The following DHRSX variants were observed in gnomAD, a reference collection of about 807,000 sequenced individuals.
The protein encoded by DHRSX is polyprenol dehydrogenase.
Under a neutral mutation model 34.0 loss-of-function variants are expected in DHRSX, and 31 were observed. The observed-to-expected ratio is 0.91, with a 90% CI of 0.69 to 1.23. The LOEUF is 1.23. Ranked by LOEUF, DHRSX falls within the 50% of genes most tolerant of loss-of-function variation. DHRSX has a pLI of 0.00. For missense variants in DHRSX, 414 were observed against 428.1 expected (o/e 0.97, Z 0.29); for synonymous variants, 201 against 183.8 (o/e 1.09, Z -0.76).
chrX:2,391,368 G>A (rs1334383463), intron 3 of DHRSX, among the ~76,000 whole-genome samples: 1 of 152,144 alleles, frequency 6.6e-6, no homozygotes, highest in Non-Finnish European at 1.5e-5. Flanking sequence ...CCTGCCCTCA[G>A]GCAAAAGGGA....
chrX:2,408,771 A>AT lies in DHRSX; in HGVS notation c.259dup (p.Ile87AsnfsTer16). 1 of 1,612,130 alleles carries AT rather than the reference A, an allele frequency of 6.2e-7. No homozygotes were observed. Among genetic ancestry groups the AT allele is most frequent in the Non-Finnish European group, 8.5e-7 (1 of 1,179,390 alleles). ...TTTGTCGTTCAAGGTTTCTTCTTTT[A>AT]TTTTGCTTACAACTTGTTTGGCTTT... is the stretch of plus-strand genomic sequence containing the variant. On this transcript the variant is annotated frameshift_variant, in exon 3 of 7. Transcript: ENST00000334651. LOFTEE classifies it high-confidence loss of function.
intron 5 of DHRSX, among the ~76,000 whole-genome samples, chrX:2,253,250 C>G (rs113569578): frequency 1.7e-3 from 258 of 147,996 alleles, no homozygotes; most frequent in African/African-American, 6.1e-3. Flanking sequence ...CCACGGCACT[C>G]CAGCCTAGGA....
chrX:2,276,456 G>A (rs920353375), intron 4 of DHRSX, among the ~76,000 whole-genome samples: 1 of 152,132 alleles, frequency 6.6e-6, no homozygotes, highest in Admixed American at 6.6e-5. Context: ...ATCGTCCATC[G>A]ATCTGCCAAT....
At chrX:2,225,224 C>T (rs370941396) in intron 6 of DHRSX, among the ~76,000 whole-genome samples, 2 of 150,094 alleles carry the variant, frequency 1.3e-5, no homozygotes, top group Non-Finnish European at 3.0e-5. Context: ...CATGTACACA[C>T]ATTCACATGC....
intron 1 of DHRSX, among the ~76,000 whole-genome samples, chrX:2,499,888 A>G (rs1180852434): frequency 2.0e-5 from 3 of 152,034 alleles, no homozygotes. Flanking sequence ...ACAAAACTTT[A>G]AAACATTAGT....
intron 1 of DHRSX, among the ~76,000 whole-genome samples, chrX:2,466,164 C>T (rs1342541097): frequency 2.6e-5 from 4 of 152,154 alleles, no homozygotes; most frequent in African/African-American, 2.4e-5. Context: ...ATTGGTTGGG[C>T]GTGGCGGCGC....
intron 5 of DHRSX, among the ~76,000 whole-genome samples, chrX:2,256,273 T>G (rs937564524): frequency 1.3e-5 from 2 of 151,324 alleles, no homozygotes; most frequent in Non-Finnish European, 2.9e-5. Flanking sequence ...GATGACAGAC[T>G]TAAGCCACTG....
intron 4 of DHRSX, among the ~76,000 whole-genome samples, chrX:2,282,971 C>CAAAAGAGAGG (rs1167385147): frequency 6.8e-6 from 1 of 148,080 alleles, no homozygotes; most frequent in African/African-American, 2.5e-5. Context: ...AGAGAAAAAG[C>CAAAAGAGAGG]AAAAGAGAGG....
At chrX:2,305,892 T>A (rs1291607067) in intron 3 of DHRSX, among the ~76,000 whole-genome samples, 1 of 152,106 alleles carries the variant, frequency 6.6e-6, no homozygotes, top group Admixed American at 6.6e-5. Context: ...CTAATGTAGA[T>A]AACGAGTTGA....
intron 1 of DHRSX, among the ~76,000 whole-genome samples, chrX:2,478,220 T>C (rs2124039648): frequency 6.6e-6 from 1 of 152,244 alleles, no homozygotes; most frequent in South Asian, 2.1e-4. Context: ...ATGTCTGGGA[T>C]GGCGAGGTGC....
At chrX:2,256,198 T>A (rs1945496556) in intron 5 of DHRSX, among the ~76,000 whole-genome samples, 1 of 151,136 alleles carries the variant, frequency 6.6e-6, no homozygotes, top group South Asian at 2.1e-4. Context: ...TTTCACCATG[T>A]TGGCCAGGAT....
chrX:2,316,911 C>T (rs573245751), intron 3 of DHRSX, among the ~76,000 whole-genome samples: 2 of 152,164 alleles, frequency 1.3e-5, no homozygotes, highest in South Asian at 2.1e-4. Flanking sequence ...GAATGTGCCC[C>T]AGTCCAGGAA....
At chrX:2,471,021 C>T (rs1020037014) in intron 1 of DHRSX, among the ~76,000 whole-genome samples, 2 of 152,106 alleles carry the variant, frequency 1.3e-5, no homozygotes, top group African/African-American at 2.4e-5. Flanking sequence ...TTGATTTAAT[C>T]ATTGCATGAT....
chrX:2,310,569 A>T (rs867786346), intron 3 of DHRSX, among the ~76,000 whole-genome samples: 6 of 143,974 alleles, frequency 4.2e-5, no homozygotes, highest in African/African-American at 1.7e-4. Flanking sequence ...TGTGAGAGAG[A>T]GAGAGAGAGG....
At chrX:2,314,254 A>ATAAG (rs2042202387) in intron 3 of DHRSX, among the ~76,000 whole-genome samples, 1 of 21,968 alleles carries the variant, frequency 4.6e-5, no homozygotes, top group African/African-American at 2.0e-4. Context: ...AAGGGAGGGA[A>ATAAG]GGAGGGAATG....
chrX:2,319,112 G>T (rs193260016), intron 3 of DHRSX, among the ~76,000 whole-genome samples: 42 of 152,092 alleles, frequency 2.8e-4, no homozygotes, highest in African/African-American at 9.6e-4. Context: ...ATCAAAAGAA[G>T]GATAACACAG....
intron 3 of DHRSX, among the ~76,000 whole-genome samples, chrX:2,367,971 G>A (rs754955498): frequency 5.2e-4 from 79 of 152,076 alleles, no homozygotes; most frequent in African/African-American, 1.7e-3. Flanking sequence ...GGCCAGGCAC[G>A]GAGGCTCACA....
intron 1 of DHRSX, among the ~76,000 whole-genome samples, chrX:2,492,459 T>C (rs997769680): frequency 1.1e-4 from 16 of 147,784 alleles, no homozygotes; most frequent in African/African-American, 3.5e-4. Flanking sequence ...TCATGGTGGA[T>C]TGAACAGTGG....
intron 6 of DHRSX, among the ~76,000 whole-genome samples, chrX:2,231,184 T>C (rs187650648): frequency 5.9e-5 from 9 of 152,248 alleles, no homozygotes; most frequent in South Asian, 2.1e-4. Flanking sequence ...TCAGAGCCTA[T>C]GATGTCTTTG....
Sources: allele counts gnomAD v4.1 joint callset (sites outside exome capture counted in the v4.1 genomes callset), GRCh38; gene constraint gnomAD v4.1.1; transcripts MANE v1.5; gene names NCBI Gene and HGNC (gene_info 2026-07-23, HGNC 2026-07-21).